PCDHA2: variants seen among roughly 807,000 people sequenced by gnomAD.
The protein encoded by PCDHA2 is protocadherin alpha-2.
In PCDHA2, 58 loss-of-function variants were observed where a neutral mutation model predicts 66.0. The observed-to-expected ratio is 0.88, with a 90% CI of 0.71 to 1.09. The LOEUF is 1.09. PCDHA2 is among the 50% of genes least tolerant of loss of function. PCDHA2 has a pLI of 0.00. For missense variants in PCDHA2, 1,267 were observed against 1,242.3 expected (o/e 1.02, Z -0.30); for synonymous variants, 634 against 554.0 (o/e 1.14, Z -2.03).
intron 1 of PCDHA2, chr5:140,835,865 G>C: frequency 1.2e-6 from 2 of 1,612,146 alleles, no homozygotes; most frequent in Non-Finnish European, 8.5e-7. Flanking sequence ...CCTACTCGCT[G>C]GTGGAGCTGC....
intron 3 of PCDHA2, 100 bp from the exon 4 acceptor site, chr5:141,009,527 G>A: frequency 6.6e-7 from 1 of 1,507,930 alleles, no homozygotes; most frequent in South Asian, 1.4e-5. Context: ...TTTCTGGGGA[G>A]GTTCAGCCTG....
chr5:140,820,237 T>C (rs2150106337), intron 1 of PCDHA2, among the ~76,000 whole-genome samples: 1 of 151,912 alleles, frequency 6.6e-6, no homozygotes, highest in Non-Finnish European at 1.5e-5. Flanking sequence ...ATAATAGAGA[T>C]AGTAAAAATC....
At chr5:140,960,079 A>G (rs1006555188) in intron 1 of PCDHA2, among the ~76,000 whole-genome samples, 1 of 152,228 alleles carries the variant, frequency 6.6e-6, no homozygotes, top group African/African-American at 2.4e-5. Flanking sequence ...TGAAGTTTCT[A>G]AAAGAGAAAG....
At chr5:140,836,425 G>T (rs2150260582) in intron 1 of PCDHA2, 4 of 1,613,790 alleles carry the variant, frequency 2.5e-6, no homozygotes, top group African/African-American at 1.3e-5. Context: ...GCGTCGTCGC[G>T]GGCATCGTTG....
At position 140,997,506 on chromosome 5, in the gene PCDHA2, T is replaced by A. The variant is rs147089901; in HGVS notation, c.2537-12121T>A. On this transcript the variant is annotated intron_variant, in intron 3 of 3. Coordinates refer to ENST00000526136, the MANE Select transcript of PCDHA2 (RefSeq NM_018905.3). ...AAGTATTTGTGTATCTCAACATACC[T>A]AAACGCAGAAAAAGTACAATAAAAA... Among the ~76,000 whole-genome samples the A allele has an allele frequency of 4.4e-3, 665 of 152,304 alleles. 5 individuals are homozygous for A. Among genetic ancestry groups the A allele is most frequent in the African/African-American group, 0.015 (619 of 41,574 alleles).
chr5:140,834,479 C>T (rs2150219285), intron 1 of PCDHA2: 1 of 1,614,178 alleles, frequency 6.2e-7, no homozygotes, highest in African/African-American at 1.3e-5. Context: ...GCCAGCTCCA[C>T]TACTCGGTCC....
chr5:140,978,894 C>G, intron 1 of PCDHA2, 55 bp from the exon 2 acceptor site: 1 of 1,612,598 alleles, frequency 6.2e-7, no homozygotes, highest in South Asian at 1.1e-5. Flanking sequence ...AGCAGCATTC[C>G]TGGGAGAACA....
At chr5:140,843,068 C>G in intron 1 of PCDHA2, 1 of 1,595,216 alleles carries the variant, frequency 6.3e-7, no homozygotes, top group East Asian at 2.2e-5. Context: ...GCTGGTGCCG[C>G]GGTCTGTGGG....
intron 1 of PCDHA2, chr5:140,857,801 G>A: frequency 6.3e-7 from 1 of 1,597,726 alleles, no homozygotes; most frequent in Non-Finnish European, 8.6e-7. Flanking sequence ...GCGGTCGGTG[G>A]TTGCGGGTCA....
chr5:140,988,526 G>C (rs1330767394), intron 3 of PCDHA2, among the ~76,000 whole-genome samples: 2 of 152,088 alleles, frequency 1.3e-5, no homozygotes, highest in Admixed American at 1.3e-4. Flanking sequence ...GTCTCTGCTG[G>C]CTCCATCCAT....
intron 3 of PCDHA2, among the ~76,000 whole-genome samples, chr5:141,002,792 A>G (rs576285489): frequency 6.6e-6 from 1 of 152,306 alleles, no homozygotes; most frequent in South Asian, 2.1e-4. Context: ...CATTTTATGG[A>G]TGAGGAAACT....
At chr5:140,920,960 A>C (rs1554200006) in intron 1 of PCDHA2, among the ~76,000 whole-genome samples, 1 of 151,930 alleles carries the variant, frequency 6.6e-6, no homozygotes, top group Admixed American at 6.6e-5. Flanking sequence ...CTACACATGT[A>C]GTACTAGAGT....
intron 1 of PCDHA2, chr5:140,857,678 C>G (rs1554150504): frequency 1.3e-6 from 2 of 1,597,010 alleles, no homozygotes; most frequent in African/African-American, 1.3e-5. Flanking sequence ...CGTGCCGCCT[C>G]TGGGCAGCAA....
chr5:140,877,018 A>G, intron 1 of PCDHA2: 1 of 1,612,420 alleles, frequency 6.2e-7, no homozygotes, highest in Non-Finnish European at 8.5e-7. Flanking sequence ...GGAGAGCGGC[A>G]AGGTGTACGC....
chr5:140,808,858 C>T (rs1451689285), intron 1 of PCDHA2: 2 of 1,613,088 alleles, frequency 1.2e-6, no homozygotes, highest in African/African-American at 1.3e-5. Flanking sequence ...TCGTGCTGGA[C>T]GAAAACGACA....
intron 1 of PCDHA2, among the ~76,000 whole-genome samples, chr5:140,952,315 G>T (rs2094717881): frequency 6.8e-6 from 1 of 147,138 alleles, no homozygotes; most frequent in Non-Finnish European, 1.5e-5. Context: ...TCCAGCCTGG[G>T]CAACAAGAGT....
At chr5:140,953,580 A>G (rs1053710021) in intron 1 of PCDHA2, among the ~76,000 whole-genome samples, 23 of 151,934 alleles carry the variant, frequency 1.5e-4, no homozygotes, top group Non-Finnish European at 2.4e-4. Context: ...CTCTCCCAAA[A>G]CTGCCTCCTT....
In PCDHA2 at chr5:140,795,287, T is replaced by G; in HGVS notation, c.323T>G (p.Val108Gly). The stretch of plus-strand genomic sequence containing the variant: ...GCGGAATGTAGCATCCACGTGGAGG[T>G]GATCGTGGACAGGCCGCTGCAGGTT... Reference protein sequence around the residue: ...RSAECSIHVEVIVDRPLQVFH... With the variant: ...RSAECSIHVEGIVDRPLQVFH... Residue 108 changes from valine to glycine, a missense_variant, in exon 1 of 4, where the codon GTG (valine) becomes GGG (glycine). Physicochemically the swap from Val to Gly is moderately radical, Grantham distance 109. Coordinates refer to ENST00000526136, the MANE Select transcript of PCDHA2 (RefSeq NM_018905.3). 16 of 1,613,972 alleles carry G rather than the reference T, an allele frequency of 9.9e-6. No homozygotes were observed. Among genetic ancestry groups the G allele is most frequent in the Non-Finnish European group, 1.4e-5 (16 of 1,179,974 alleles).
chr5:140,949,714 T>A (rs2094416715), intron 1 of PCDHA2, among the ~76,000 whole-genome samples: 1 of 151,848 alleles, frequency 6.6e-6, no homozygotes, highest in South Asian at 2.1e-4. Flanking sequence ...TTTTACCCAT[T>A]TTGATAATAT....
Sources: allele counts gnomAD v4.1 joint callset (sites outside exome capture counted in the v4.1 genomes callset), GRCh38; gene constraint gnomAD v4.1.1; transcripts MANE v1.5; gene names NCBI Gene and HGNC (gene_info 2026-07-23, HGNC 2026-07-21).